The following TTN variants were observed in gnomAD, a reference collection of about 807,000 sequenced individuals.
TTN encodes the protein connectin.
Under a neutral mutation model 3,223.0 loss-of-function variants are expected in TTN, and 1,525 were observed. The ratio of observed to expected loss-of-function variants is 0.47; its 90% CI spans 0.45 to 0.49. TTN has a LOEUF of 0.49. TTN is among the 20% of genes least tolerant of loss of function. The pLI is 0.00. For synonymous variants in TTN, 14,094 were observed against 15,161.0 expected (o/e 0.93, Z 5.17); for missense variants, 40,786 against 43,424.0 (o/e 0.94, Z 5.40).
chr2:178,647,248 A>T (rs1422148174), intron 214 of TTN, 104 bp from the exon 215 acceptor site: 1 of 1,201,508 alleles, frequency 8.3e-7, no homozygotes, highest in Non-Finnish European at 1.2e-6. Flanking sequence ...ACTCTATAAC[A>T]GATTATTCAG....
At position 178,546,234 on chromosome 2, in the gene TTN, C is replaced by T; in HGVS notation, c.95097G>A (p.Val31699=). Residue 31699 remains valine (V), a synonymous_variant, in exon 342 of 363, where the codon GTG becomes GTA. Coordinates refer to ENST00000589042, the MANE Select transcript of TTN (RefSeq NM_001267550.2). ...TACCAAGCACTTTGACCATGACAGA[C>T]ACGGCCTTGGTCCCGCTGGCATTTT... ...TVKNASGTKA[V]SVMVKVLDSP... The T allele has an allele frequency of 6.2e-7, 1 of 1,611,472 alleles. No individual in the cohort carries two copies.
Position 178,729,780 on chromosome 2 carries a change from T to C in TTN, c.18473A>G (p.Asp6158Gly). 1.2e-6 allele frequency: 2 copies of C among 1,613,718 alleles called. No homozygotes were observed. Among genetic ancestry groups the C allele is most frequent in the East Asian group, 2.2e-5 (1 of 44,844 alleles). Reference sequence around the variant, plus strand: ...AGAAATCTGGAAAGTGGCTAAACCATCAATGAAGGAAATGCCATGTTTCTG... The same window carrying C: ...AGAAATCTGGAAAGTGGCTAAACCACCAATGAAGGAAATGCCATGTTTCTG... ...AIQKHGISFI[D>G]GLATFQISGA... Residue 6158 changes from aspartate to glycine, a missense_variant, in exon 63 of 363, where the codon GAT (aspartate) becomes GGT (glycine). Physicochemically the swap from Asp to Gly is moderately conservative, Grantham distance 94 (BLOSUM62 -1). Transcript: ENST00000589042.
chr2:178,677,921 T>C lies in TTN; in HGVS notation c.33995-4A>G. ...ACTGGTTCACGTTTCTTTGGCACTT[T>C]AAAGATATTTATTCAAGGGTACAAA... On this transcript the variant is annotated splice_region_variant and splice_polypyrimidine_tract_variant and intron_variant, in intron 145 of 362. Coordinates refer to ENST00000589042, the MANE Select transcript of TTN (RefSeq NM_001267550.2). The C allele has an allele frequency of 6.3e-7, 1 of 1,586,518 alleles. No homozygotes were observed. The highest frequency in any genetic ancestry group is 8.5e-7 in the Non-Finnish European group (1 of 1,170,534).
intron 213 of TTN, among the ~76,000 whole-genome samples, chr2:178,648,086 T>C (rs1385044374): frequency 6.6e-6 from 1 of 152,156 alleles, no homozygotes; most frequent in East Asian, 1.9e-4. Flanking sequence ...AATGGGTCTT[T>C]ACTATTTAGT....
At chr2:178,778,154 A>T in intron 24 of TTN, 179 bp from the exon 25 acceptor site, 1 of 808,564 alleles carries the variant, frequency 1.2e-6, no homozygotes, top group Non-Finnish European at 1.9e-6. Context: ...CCCCACAACT[A>T]TGTTTTTCCT....
At position 178,664,915 on chromosome 2, in the gene TTN, G is replaced by A; in HGVS notation, c.36055C>T (p.Pro12019Ser). ...GTCTTGGCAGGAATAATTTCTTGAG[G>A]AGCTTCGGGCGCTTGAAAGATATTA... The part of the protein sequence containing the change: ...ETPRMKTPEA[P>S]QEIIPAKTVP... The change falls in exon 166 of 363, where the codon CCT (proline) becomes TCT (serine). Residue 12019 changes from proline (P) to serine (S), a missense_variant. Pro to Ser is a moderately conservative substitution (Grantham distance 74). Transcript: ENST00000589042. The A allele has an allele frequency of 6.2e-7, 1 of 1,608,556 alleles. No individual in the cohort carries two copies. The highest frequency in any genetic ancestry group is 8.5e-7 in the Non-Finnish European group (1 of 1,178,214).
Position 178,526,919 on chromosome 2 carries a change from T to TA in TTN, c.*92_*93insT. ...TAGGTTGATACAAAACTACTTTTTT[T>TA]TCTTTAAATATTTACAGTTCAGAAA... is the stretch of plus-strand genomic sequence containing the variant. On this transcript the variant is annotated 3_prime_UTR_variant, in exon 363 of 363. Coordinates refer to ENST00000589042, the MANE Select transcript of TTN (RefSeq NM_001267550.2). 1 of 1,251,018 alleles carries TA rather than the reference T, an allele frequency of 8.0e-7. No individual in the cohort carries two copies. Among genetic ancestry groups the TA allele is most frequent in the Admixed American group, 3.0e-5 (1 of 33,614 alleles). 77.5% of individuals were successfully genotyped at this position (1,251,018 alleles called of 1,614,324 possible).
At chr2:178,770,781 C>G in intron 34 of TTN, 106 bp from the exon 35 acceptor site, 1 of 1,396,976 alleles carries the variant, frequency 7.2e-7, no homozygotes. Flanking sequence ...GAATGGCTAC[C>G]AAACATTTTA....
intron 55 of TTN, 21 bp from the exon 56 acceptor site, chr2:178,732,739 A>G (rs776299083): frequency 3.2e-6 from 5 of 1,562,140 alleles, no homozygotes; most frequent in Non-Finnish European, 4.3e-6. Context: ...GGTATAAGAA[A>G]GAATTTCAAA....
rs1440927665 is a variant in TTN, at chr2:178,579,053, T to A, written c.67977A>T (p.Glu22659Asp). The change falls in exon 320 of 363, where the codon GAA becomes GAT. Residue 22659 changes from glutamate to aspartate, a missense_variant. By Grantham distance (45) the Glu-to-Asp change is conservative. Coordinates refer to ENST00000589042, the MANE Select transcript of TTN (RefSeq NM_001267550.2). Reference protein sequence around the residue: ...GPIKFDEVTAEAMTLKWAPPK... With the variant: ...GPIKFDEVTADAMTLKWAPPK... ...GAGGAGCCCACTTTAAGGTCATGGC[T>A]TCTGCTGTGACTTCATCAAATTTGA... The A allele has an allele frequency of 1.2e-6, 2 of 1,613,160 alleles. No homozygotes were observed. The highest frequency in any genetic ancestry group is 2.7e-5 in the African/African-American group (2 of 74,888).
At chr2:178,586,077 A>G (rs1011760267) in intron 308 of TTN, among the ~76,000 whole-genome samples, 3 of 151,916 alleles carry the variant, frequency 2.0e-5, no homozygotes. Flanking sequence ...AAGCTTTCCT[A>G]TTTCTCCACA....
chr2:178,650,657 C>G, intron 209 of TTN, 94 bp downstream of exon 209: 3 of 1,187,800 alleles, frequency 2.5e-6, no homozygotes, highest in Non-Finnish European at 3.5e-6. Flanking sequence ...TAGAAAATGA[C>G]CAAGAAATAA....
Position 178,531,433 on chromosome 2 carries a change from G to A in TTN, c.105182C>T (p.Ala35061Val), listed in dbSNP as rs762136167. 1.7e-5 allele frequency: 27 copies of A among 1,613,754 alleles called. No homozygotes were observed. The highest frequency in any genetic ancestry group is 3.3e-5 in the Admixed American group (2 of 59,992). ...SVFPELTRTE[A>V]YAVSSFKKTS... ...TTTCTTAAATGATGAAACAGCATAC[G>A]CCTCTGTTCTTGTCAGCTCAGGGAA... The change falls in exon 358 of 363, where the codon GCG (alanine) becomes GTG (valine). Residue 35061 changes from alanine to valine, a missense_variant. Transcript: ENST00000589042.
chr2:178,701,028 A>G (rs2074872562), intron 111 of TTN, 92 bp downstream of exon 111: 2 of 1,113,580 alleles, frequency 1.8e-6, no homozygotes, highest in South Asian at 3.6e-5. Flanking sequence ...CCTCTTGACC[A>G]CTAGAGGGCC....
intron 216 of TTN, 74 bp from the exon 217 acceptor site, chr2:178,646,104 TTATATATATATATATATA>T (rs71023450): frequency 0.03 from 1,126 of 37,974 alleles, 78 homozygotes; most frequent in African/African-American, 0.07. Flanking sequence ...TTAATAGAAA[TTATATATATATATATATA>T]TATATATATA....
Position 178,540,084 on chromosome 2 carries a change from T to C in TTN, c.98082A>G (p.Lys32694=). 1 of 1,603,460 alleles carries C rather than the reference T, an allele frequency of 6.2e-7. No individual in the cohort carries two copies. Among genetic ancestry groups the C allele is most frequent in the Non-Finnish European group, 8.5e-7 (1 of 1,173,250 alleles). ...GEPAEVPGTV[K]VTEMLEYPDY... The stretch of plus-strand genomic sequence containing the variant: ...ATGTCTCACCAAGCATTTCAGTGAC[T>C]TTGACTGTTCCTGGTACCTCAGCAG... Residue 32694 remains lysine, a synonymous_variant, in exon 351 of 363, where the codon AAA becomes AAG. Transcript: ENST00000589042.
At position 178,546,384 on chromosome 2, in the gene TTN, C is replaced by A; in HGVS notation, c.94947G>T (p.Trp31649Cys). ...VGGKPEPKII[W>C]TKGDKELDLC... ...GATCTAGCTCCTTGTCTCCTTTGGT[C>A]CAGATAATTTTGGGTTCAGGTTTGC... The change falls in exon 342 of 363, where the codon TGG becomes TGT. Residue 31649 changes from tryptophan (W) to cysteine (C), a missense_variant. By Grantham distance (215) the Trp-to-Cys change is radical (BLOSUM62 -2). Coordinates refer to ENST00000589042, the MANE Select transcript of TTN (RefSeq NM_001267550.2). The A allele has an allele frequency of 1.2e-6, 2 of 1,613,690 alleles. No homozygotes were observed. Among genetic ancestry groups the A allele is most frequent in the Non-Finnish European group, 1.7e-6 (2 of 1,179,750 alleles).
chr2:178,620,227 C>G lies in TTN; in HGVS notation c.46294G>C (p.Glu15432Gln), dbSNP rs1319118967. ...AAAGATCTTGCTTACTTTTTGCCTT[C>G]TTTGATTTCTCTCCCATTTCTGTAC... ...KWYRNGREIK[E>Q]GKKYKFEKDG... Residue 15432 changes from glutamate (E) to glutamine (Q), a missense_variant, in exon 248 of 363, where the codon GAA becomes CAA. Coordinates refer to ENST00000589042, the MANE Select transcript of TTN (RefSeq NM_001267550.2). 3 of 1,535,904 alleles carry G rather than the reference C, an allele frequency of 2.0e-6. No homozygotes were observed. The highest frequency in any genetic ancestry group is 2.3e-5 in the East Asian group (1 of 43,978).
chr2:178,547,347 A>G, intron 339 of TTN, 42 bp from the exon 340 acceptor site: 1 of 1,573,218 alleles, frequency 6.4e-7, no homozygotes, highest in Non-Finnish European at 8.6e-7. Flanking sequence ...ACAATTTTAT[A>G]AAATTCAGGG....
Sources: allele counts gnomAD v4.1 joint callset (sites outside exome capture counted in the v4.1 genomes callset), GRCh38; gene constraint gnomAD v4.1.1; transcripts MANE v1.5; gene names NCBI Gene and HGNC (gene_info 2026-07-23, HGNC 2026-07-21).